RGS3: variants seen among roughly 807,000 people sequenced by gnomAD.
RGS3 encodes regulator of G protein signaling 3.
In RGS3, 80 loss-of-function variants were observed where a neutral mutation model predicts 132.6. The ratio of observed to expected loss-of-function variants is 0.60; its 90% CI spans 0.50 to 0.73. The LOEUF is 0.73. RGS3 is among the 30% of genes least tolerant of loss of function. The probability of loss-of-function intolerance (pLI) is 0.00; values close to 1 mark genes in which losing one functional copy is unlikely to be tolerated. For missense variants in RGS3, 1,382 were observed against 1,530.8 expected (o/e 0.90, Z 1.62); for synonymous variants, 598 against 620.6 (o/e 0.96, Z 0.54).
intron 14 of RGS3, among the ~76,000 whole-genome samples, chr9:113,512,205 T>C (rs536661624): frequency 6.6e-6 from 1 of 152,322 alleles, no homozygotes; most frequent in South Asian, 2.1e-4. Flanking sequence ...TCGGGTGTCT[T>C]ATCCAACTCA....
intron 5 of RGS3, among the ~76,000 whole-genome samples, chr9:113,483,722 C>T (rs1010664285): frequency 3.3e-5 from 5 of 152,194 alleles, no homozygotes; most frequent in African/African-American, 1.2e-4. Context: ...TAGAACAGCC[C>T]TGGGTTGAGA....
chr9:113,451,394 A>G lies in RGS3; in HGVS notation c.-13+6467A>G, dbSNP rs539468694. Among the ~76,000 whole-genome samples, 324 of 152,270 alleles carry G rather than the reference A, an allele frequency of 2.1e-3. 1 individual carries two copies. The highest frequency in any genetic ancestry group is 3.8e-3 in the Non-Finnish European group (257 of 68,012). On this transcript the variant is annotated intron_variant, in intron 1 of 25. Coordinates refer to the RGS3 transcript ENST00000374140. Reference sequence around the variant, plus strand: ...CTGTTTCTTTACAGTATGGTCTGCTATGTCCACTGGAAGGGCACTTCACCA... The same window carrying G: ...CTGTTTCTTTACAGTATGGTCTGCTGTGTCCACTGGAAGGGCACTTCACCA...
In RGS3 at chr9:113,463,774, C is replaced by T. The variant is rs1424650862; in HGVS notation, c.415+1573C>T. On this transcript the variant is annotated intron_variant, in intron 3 of 24. It adds an upstream start codon to the 5' untranslated region. Transcript: ENST00000350696. The surrounding 1 kb of genome is among the most constrained non-coding windows in gnomAD (Gnocchi z 4.6). ...CAACACAGCCGCCTCGGGTTGCAGA[C>T]GCTCCTGTCCGGGTCGCAGTGGGAC... 3 of 1,586,560 alleles carry T rather than the reference C, an allele frequency of 1.9e-6. No individual in the cohort carries two copies. The highest frequency in any genetic ancestry group is 2.6e-6 in the Non-Finnish European group (3 of 1,168,082).
In RGS3 at chr9:113,507,234, T is replaced by C; in HGVS notation, c.1086-53T>C. The C allele has an allele frequency of 6.8e-7, 1 of 1,466,684 alleles. No individual in the cohort carries two copies. The highest frequency in any genetic ancestry group is 9.3e-7 in the Non-Finnish European group (1 of 1,074,726). 90.9% of individuals were successfully genotyped at this position (1,466,684 alleles called of 1,614,324 possible). A position where few individuals can be genotyped will look rare whatever the true frequency, so the allele number is the denominator to read the frequency against. On this transcript the variant is annotated intron_variant, in intron 12 of 24. Coordinates refer to ENST00000350696, the Ensembl canonical transcript of RGS3. This position sits in a 1 kb window ranked among gnomAD's most constrained non-coding sequence, Gnocchi z 5.0. ...CTGCCCTGTGGGCCCTCACTCTGGC[T>C]GATACTGGCTTTCCCCAGGCTCAAC... is the stretch of plus-strand genomic sequence containing the variant.
chr9:113,530,739 G>A (rs1420607863), intron 18 of RGS3, among the ~76,000 whole-genome samples: 1 of 152,210 alleles, frequency 6.6e-6, no homozygotes, highest in East Asian at 1.9e-4. Context: ...TTGATTTGCG[G>A]CTTTTTGTTT....
chr9:113,483,351 G>T (rs1441110645), intron 5 of RGS3, among the ~76,000 whole-genome samples: 1 of 152,194 alleles, frequency 6.6e-6, no homozygotes, highest in Non-Finnish European at 1.5e-5. Flanking sequence ...GGCGATCTTG[G>T]TCATCTATAT....
Position 113,506,509 on chromosome 9 carries a change from G to T in RGS3, c.1085+16G>T. On this transcript the variant is annotated intron_variant, in intron 12 of 24. Transcript: ENST00000350696. This position sits in a 1 kb window ranked among gnomAD's most constrained non-coding sequence, Gnocchi z 4.7. Reference sequence around the variant, plus strand: ...ACGAGATCCGGTGACAGGGGACAGCGGGTGGCCTGGGGCCTCAGGCTGATG... The same window carrying T: ...ACGAGATCCGGTGACAGGGGACAGCTGGTGGCCTGGGGCCTCAGGCTGATG... 1 of 1,537,198 alleles carries T rather than the reference G, an allele frequency of 6.5e-7. No individual in the cohort carries two copies. The highest frequency in any genetic ancestry group is 1.2e-5 in the South Asian group (1 of 84,766).
intron 19 of RGS3, among the ~76,000 whole-genome samples, chr9:113,554,362 G>A (rs765872697): frequency 1.3e-5 from 2 of 152,204 alleles, no homozygotes; most frequent in African/African-American, 4.8e-5. Context: ...CTGGAGTGCG[G>A]TGGCGCCATC....
chr9:113,503,924 T>C (rs1402198085), intron 10 of RGS3, among the ~76,000 whole-genome samples: 5 of 152,186 alleles, frequency 3.3e-5, no homozygotes, highest in Non-Finnish European at 5.9e-5. Context: ...TCCATTTTTT[T>C]CTCTTCCTGT....
chr9:113,479,944 G>T (rs1343840090), intron 4 of RGS3, among the ~76,000 whole-genome samples: 1 of 152,040 alleles, frequency 6.6e-6, no homozygotes, highest in Non-Finnish European at 1.5e-5. Flanking sequence ...TAGTATCATG[G>T]TTAAGATCAT....
chr9:113,534,037 C>T (rs1832579825), intron 18 of RGS3, among the ~76,000 whole-genome samples: 1 of 152,320 alleles, frequency 6.6e-6, no homozygotes, highest in East Asian at 1.9e-4. Flanking sequence ...CTTCTGAGCA[C>T]TTTTGGGCCT....
rs1340698087 is a variant in RGS3 at position 113,591,919 on chromosome 9, T to C, written c.3080+522T>C. 2.6e-5 allele frequency: 4 copies of C among 156,814 alleles called. No individual in the cohort carries two copies. Among genetic ancestry groups the C allele is most frequent in the African/African-American group, 7.2e-5 (3 of 41,558 alleles). 9.7% of individuals were successfully genotyped at this position (156,814 alleles called of 1,614,324 possible). On this transcript the variant is annotated intron_variant, in intron 21 of 24. Coordinates refer to ENST00000350696, the Ensembl canonical transcript of RGS3. The surrounding 1 kb of genome is among the most constrained non-coding windows in gnomAD (Gnocchi z 4.4). ...AGGCCTTCTTATACTATAGGGTGTTTGTTAGAGGTGTCAATGAAAAAGATG... is the reference window on the plus strand; with the variant it reads ...AGGCCTTCTTATACTATAGGGTGTTCGTTAGAGGTGTCAATGAAAAAGATG...
At chr9:113,494,862 A>ATTCTTCTTC (rs149529317) in intron 7 of RGS3, among the ~76,000 whole-genome samples, 3 of 151,524 alleles carry the variant, frequency 2.0e-5, no homozygotes, top group South Asian at 4.2e-4. Flanking sequence ...GGAACTCTGA[A>ATTCTTCTTC]TTCTTCTTCT....
rs540690612 is a variant in RGS3, at chr9:113,523,826, G to T, written c.1870+785G>T. Among the ~76,000 whole-genome samples, 92 of 152,284 alleles carry T rather than the reference G, an allele frequency of 6.0e-4. 1 individual carries two copies. Among genetic ancestry groups the T allele is most frequent in the African/African-American group, 1.9e-3 (79 of 41,560 alleles). Reference sequence around the variant, plus strand: ...AAATATTACCCAGTGAAAGAATTCTGTTTTGGTGGGGTTTGCTCGGGAAAG... The same window carrying T: ...AAATATTACCCAGTGAAAGAATTCTTTTTTGGTGGGGTTTGCTCGGGAAAG... On this transcript the variant is annotated intron_variant, in intron 17 of 24. Transcript: ENST00000350696.
intron 14 of RGS3, among the ~76,000 whole-genome samples, chr9:113,514,220 G>T (rs1311342854): frequency 6.6e-6 from 1 of 152,224 alleles, no homozygotes. Context: ...CGCTGTGCTA[G>T]CCCTGGACTT....
chr9:113,568,523 C>T (rs754586734), intron 19 of RGS3, among the ~76,000 whole-genome samples: 1 of 152,224 alleles, frequency 6.6e-6, no homozygotes, highest in Non-Finnish European at 1.5e-5. Context: ...CTTTGCAGGC[C>T]GTCTCCTCTT....
At chr9:113,479,021 A>G (rs1439349106) in intron 3 of RGS3, 2 of 171,590 alleles carry the variant, frequency 1.2e-5, no homozygotes, top group African/African-American at 4.8e-5. Context: ...CTTTGTGTGC[A>G]CGTGCTTGTG....
At chr9:113,509,097 A>G (rs2119338328) in intron 14 of RGS3, among the ~76,000 whole-genome samples, 1 of 152,082 alleles carries the variant, frequency 6.6e-6, no homozygotes, top group Non-Finnish European at 1.5e-5. Flanking sequence ...CATCCTGGCT[A>G]ACACAGTGAA....
In RGS3 at chr9:113,470,342, G is replaced by A. The variant is rs113781092; in HGVS notation, c.415+8141G>A. On this transcript the variant is annotated intron_variant, in intron 3 of 24. Coordinates refer to ENST00000350696, the Ensembl canonical transcript of RGS3. ...TTTTCTCTGTCAGTTCCTAAGAGAG[G>A]TGTATTAGAATTCCCACTGTGATTG... Among the ~76,000 whole-genome samples, 503 of 152,288 alleles carry A rather than the reference G, an allele frequency of 3.3e-3. 3 individuals carry two copies. Among genetic ancestry groups the A allele is most frequent in the African/African-American group, 0.011 (475 of 41,544 alleles).
Sources: allele counts gnomAD v4.1 joint callset (sites outside exome capture counted in the v4.1 genomes callset), GRCh38; gene constraint gnomAD v4.1.1; non-coding constraint Gnocchi (gnomAD v3.1); transcripts MANE v1.5; gene names NCBI Gene and HGNC (gene_info 2026-07-23, HGNC 2026-07-21).